CNR1: variants seen among roughly 807,000 people sequenced by gnomAD.
CNR1 encodes cannabinoid receptor 1, also known as cannabinoid receptor 1 (brain).
A neutral mutation model predicts 23.0 loss-of-function variants in CNR1; 10 were observed. The ratio of observed to expected loss-of-function variants is 0.43; its 90% CI spans 0.27 to 0.74. The LOEUF (loss-of-function observed/expected upper bound fraction) is 0.74, where lower values mean the gene tolerates loss of function less well. CNR1 is among the 30% of genes least tolerant of loss of function. The pLI, the probability that CNR1 is intolerant of heterozygous loss-of-function variation, is 0.19. For missense variants in CNR1, 422 were observed against 618.8 expected, an observed-to-expected ratio of 0.68 and a Z score of 3.37; for synonymous variants, 271 against 255.2, an observed-to-expected ratio of 1.06 and a Z score of -0.59.
chr6:88,151,595 A>G (rs563280093), intron 1 of CNR1, among the ~76,000 whole-genome samples: 3 of 152,234 alleles, frequency 2.0e-5, no homozygotes, highest in African/African-American at 7.2e-5. Flanking sequence ...GTAAGTCTTC[A>G]ATGGGTATTA....
At chr6:88,148,591 C>G (rs899653229) in intron 1 of CNR1, among the ~76,000 whole-genome samples, 2 of 152,126 alleles carry the variant, frequency 1.3e-5, no homozygotes, top group Non-Finnish European at 2.9e-5. Flanking sequence ...ATCAAGGGAT[C>G]TAGCCTGGAG....
At chr6:88,150,616 T>C (rs1777468146) in intron 1 of CNR1, among the ~76,000 whole-genome samples, 1 of 152,230 alleles carries the variant, frequency 6.6e-6, no homozygotes. Context: ...GTTTAGGTTA[T>C]CATCTTTTGC....
intron 1 of CNR1, among the ~76,000 whole-genome samples, chr6:88,147,280 C>G (rs907127458): frequency 6.6e-6 from 1 of 152,168 alleles, no homozygotes; most frequent in Non-Finnish European, 1.5e-5. Flanking sequence ...CCACTGCACT[C>G]CAGTCTGGCA....
chr6:88,167,075 C>T (rs1273634496), upstream of CNR1, among the ~76,000 whole-genome samples: 2 of 151,768 alleles, frequency 1.3e-5, no homozygotes, highest in Non-Finnish European at 2.9e-5. Context: ...ACCACTCGGG[C>T]GCGCCCCGCC....
rs1447015254 is a variant in CNR1, at chr6:88,143,991, G to A, written c.1284C>T (p.Asp428=). 6.2e-7 allele frequency: 1 copy of A among 1,613,914 alleles called. No individual in the cohort carries two copies. The highest frequency in any genetic ancestry group is 1.7e-5 in the Admixed American group (1 of 59,982). The change falls in exon 2 of 2, where the codon GAC becomes GAT. Residue 428 remains aspartate (D), a synonymous_variant. Transcript: ENST00000369501. The part of the protein sequence containing the change: ...TAQPLDNSMG[D]SDCLHKHANN... ...TTGCGTGTTTGTGCAGGCAGTCCGA[G>A]TCCCCCATGCTGTTATCCAGAGGCT... is the stretch of plus-strand genomic sequence containing the variant.
At chr6:88,157,639 T>C (rs1425259013) in intron 1 of CNR1, among the ~76,000 whole-genome samples, 1 of 152,166 alleles carries the variant, frequency 6.6e-6, no homozygotes, top group African/African-American at 2.4e-5. Flanking sequence ...GGAGTTCTAC[T>C]TAAAACAAAT....
chr6:88,144,570 C>T lies in CNR1; in HGVS notation c.705G>A (p.Val235=), dbSNP rs1456790980. The T allele has an allele frequency of 1.2e-6, 2 of 1,614,096 alleles. No individual in the cohort carries two copies. Among genetic ancestry groups the T allele is most frequent in the Admixed American group, 3.3e-5 (2 of 60,008 alleles). The change falls in exon 2 of 2, where the codon GTG becomes GTA. Residue 235 remains valine (V), a synonymous_variant. Coordinates refer to ENST00000369501, the MANE Select transcript of CNR1 (RefSeq NM_016083.6). The surrounding 1 kb of genome is among the most constrained non-coding windows in gnomAD (Gnocchi z 7.8). ...CTATGGTCCACATCAGGCAAAACGC[C>T]ACCACGGCCTTGGGCCTGGTGACAA... is the stretch of plus-strand genomic sequence containing the variant. ...KRIVTRPKAV[V]AFCLMWTIAI... is the part of the protein sequence containing the mutation.
At chr6:88,150,243 A>G (rs1777445573) in intron 1 of CNR1, among the ~76,000 whole-genome samples, 1 of 152,134 alleles carries the variant, frequency 6.6e-6, no homozygotes, top group Non-Finnish European at 1.5e-5. Context: ...AGAAATTTTG[A>G]TTATCTTTAT....
chr6:88,166,744 A>ATCGCCAACACCTT (rs1401573342), upstream of CNR1, among the ~76,000 whole-genome samples: 2 of 152,020 alleles, frequency 1.3e-5, no homozygotes, highest in Non-Finnish European at 2.9e-5. Context: ...GGCAGCGCGC[A>ATCGCCAACACCTT]TCGCCAACAC....
chr6:88,145,344 G>C lies in CNR1; in HGVS notation c.-63-7C>G. 1.3e-5 allele frequency: 17 copies of C among 1,280,212 alleles called. No homozygotes were observed. The highest frequency in any genetic ancestry group is 1.8e-5 in the Non-Finnish European group (16 of 913,750). The allele number at this position is 1,280,212 out of a possible 1,614,324, so 79.3% of individuals were successfully genotyped here. ...TGACCCACAGGGGGCAATCCTAAGA[G>C]GAGGGAAAACAAATAAGCCGAATGG... On this transcript the variant is annotated splice_polypyrimidine_tract_variant and splice_region_variant and intron_variant, in intron 1 of 1. Coordinates refer to ENST00000369501, the MANE Select transcript of CNR1 (RefSeq NM_016083.6).
At chr6:88,150,651 T>C (rs150115824) in intron 1 of CNR1, among the ~76,000 whole-genome samples, 3 of 152,226 alleles carry the variant, frequency 2.0e-5, no homozygotes, top group African/African-American at 7.2e-5. Flanking sequence ...CTGCAATAAA[T>C]TGAATCCAAC....
At chr6:88,152,784 T>C (rs1289491236) in intron 1 of CNR1, among the ~76,000 whole-genome samples, 1 of 152,244 alleles carries the variant, frequency 6.6e-6, no homozygotes, top group Non-Finnish European at 1.5e-5. Flanking sequence ...ATTACAGTAA[T>C]TTCCACCTTA....
rs935872569 is a variant in CNR1 at position 88,140,974 on chromosome 6, A to T, written c.*2882T>A. 7 of 20,270 alleles carry T rather than the reference A, an allele frequency of 3.5e-4. No individual in the cohort carries two copies. Among genetic ancestry groups the T allele is most frequent in the South Asian group, 3.1e-3 (2 of 640 alleles). 1.3% of individuals were successfully genotyped at this position (20,270 alleles called of 1,614,324 possible). A position where few individuals can be genotyped will look rare whatever the true frequency, so the allele number is the denominator to read the frequency against. ...AGGACTGATTCATCATGACTCTGAT[A>T]AAAAAAAAATGAGCAGGTTGGGAAT... On this transcript the variant is annotated 3_prime_UTR_variant, in exon 2 of 2. Transcript: ENST00000369501.
intron 1 of CNR1, among the ~76,000 whole-genome samples, chr6:88,150,432 C>T (rs1022091141): frequency 4.0e-5 from 6 of 151,568 alleles, no homozygotes; most frequent in African/African-American, 1.5e-4. Context: ...ATGTATTTAC[C>T]CCCTCTTTGT....
At chr6:88,165,541 T>C (rs1291955725) in intron 1 of CNR1, among the ~76,000 whole-genome samples, 1 of 152,172 alleles carries the variant, frequency 6.6e-6, no homozygotes, top group South Asian at 2.1e-4. Context: ...ACATGCACAA[T>C]TACCCATTTT....
chr6:88,142,396 C>T lies in CNR1; in HGVS notation c.*1460G>A, dbSNP rs866310404. On this transcript the variant is annotated 3_prime_UTR_variant, in exon 2 of 2. Coordinates refer to ENST00000369501, the MANE Select transcript of CNR1 (RefSeq NM_016083.6). ...TACCATTGTTTTTCTGTAGAACTGT[C>T]TTCCTTTTAGTGACTGACATATTGC... 2 of 152,346 alleles carry T rather than the reference C, an allele frequency of 1.3e-5. No individual in the cohort carries two copies. The highest frequency in any genetic ancestry group is 2.9e-5 in the Non-Finnish European group (2 of 68,034). 9.4% of individuals were successfully genotyped at this position (152,346 alleles called of 1,614,324 possible).
chr6:88,160,055 C>T (rs1032179790), intron 1 of CNR1, among the ~76,000 whole-genome samples: 1 of 151,952 alleles, frequency 6.6e-6, no homozygotes, highest in East Asian at 1.9e-4. Context: ...AGGCCAGGCA[C>T]GGTAGCACAC....
intron 1 of CNR1, among the ~76,000 whole-genome samples, chr6:88,163,901 C>T (rs1778234748): frequency 1.3e-5 from 2 of 152,166 alleles, no homozygotes. Flanking sequence ...ACATGGTCCA[C>T]TGGGAAATGG....
chr6:88,146,501 G>C (rs1397481056), intron 1 of CNR1, among the ~76,000 whole-genome samples: 4 of 152,204 alleles, frequency 2.6e-5, no homozygotes, highest in Non-Finnish European at 4.4e-5. Flanking sequence ...GGTGACAGGA[G>C]ACAGGCTGGA....
Sources: gnomAD v4.1 joint callset for allele counts (sites outside exome capture counted in the v4.1 genomes callset) on GRCh38, gnomAD v4.1.1 for gene constraint, Gnocchi (gnomAD v3.1) non-coding constraint, MANE v1.5 for transcripts, NCBI Gene and HGNC (gene_info 2026-07-23, HGNC 2026-07-21) for gene names.